Variants in ZBTB20 observed in about 807,000 individuals in gnomAD.
ZBTB20 encodes zinc finger and BTB domain-containing protein 20.
A neutral mutation model predicts 56.9 loss-of-function variants in ZBTB20; 9 were observed. That is an observed-to-expected ratio of 0.16 (90% confidence interval 0.10 to 0.28). The LOEUF (loss-of-function observed/expected upper bound fraction) is 0.28, where lower values mean the gene tolerates loss of function less well. Among genes scored for constraint, ZBTB20 ranks in the 10% least tolerant of loss-of-function variants. The pLI, the probability that ZBTB20 is intolerant of heterozygous loss-of-function variation, is 1.00. For synonymous variants in ZBTB20, 417 were observed against 420.7 expected, an observed-to-expected ratio of 0.99 and a Z score of 0.11; for missense variants, 655 against 1,003.0, an observed-to-expected ratio of 0.65 and a Z score of 4.69.
In ZBTB20 at chr3:114,809,083, C is replaced by CTT. The variant is rs11444286; in HGVS notation, c.-416-7911_-416-7910dup. Among the ~76,000 whole-genome samples the CTT allele has an allele frequency of 1.7e-4, 26 of 151,620 alleles. 1 individual carries two copies. Among genetic ancestry groups the CTT allele is most frequent in the Admixed American group, 1.1e-3 (17 of 15,232 alleles). The stretch of plus-strand genomic sequence containing the variant: ...GTGTTGTTTTCCTGTATGTAACAGT[C>CTT]TTTTTTTTCTTGTTACTGTCAAAAT... On this transcript the variant is annotated intron_variant, in intron 4 of 11. Coordinates refer to ENST00000675478, the MANE Select transcript of ZBTB20 (RefSeq NM_001348800.3).
chr3:114,432,265 C>T (rs1476378011), intron 7 of ZBTB20, among the ~76,000 whole-genome samples: 1 of 151,850 alleles, frequency 6.6e-6, no homozygotes, highest in East Asian at 1.9e-4. Flanking sequence ...GGCCAGGACA[C>T]CAAGAGTTCA....
intron 1 of ZBTB20, among the ~76,000 whole-genome samples, chr3:115,090,711 A>C (rs2083157763): frequency 1.3e-5 from 2 of 151,906 alleles, no homozygotes; most frequent in South Asian, 4.1e-4. Context: ...TTTACTATTT[A>C]TAAAAAAACT....
At chr3:114,487,075 C>T (rs186782439) in intron 7 of ZBTB20, among the ~76,000 whole-genome samples, 27 of 152,222 alleles carry the variant, frequency 1.8e-4, no homozygotes, top group African/African-American at 4.3e-4. Flanking sequence ...AAGTAGGATG[C>T]GTGTATGTGG....
intron 1 of ZBTB20, among the ~76,000 whole-genome samples, chr3:115,135,328 T>C (rs756751564): frequency 2.6e-5 from 4 of 152,086 alleles, no homozygotes; most frequent in Non-Finnish European, 5.9e-5. Context: ...AAGCCTGGGG[T>C]GGAGTGGGGT....
chr3:114,571,261 A>G (rs2053399715), intron 6 of ZBTB20, among the ~76,000 whole-genome samples: 1 of 152,166 alleles, frequency 6.6e-6, no homozygotes, highest in Admixed American at 6.5e-5. Flanking sequence ...TTGCACTTCA[A>G]TTGTGCTTAT....
At chr3:114,487,591 C>T (rs1275935615) in intron 7 of ZBTB20, among the ~76,000 whole-genome samples, 1 of 152,212 alleles carries the variant, frequency 6.6e-6, no homozygotes, top group Non-Finnish European at 1.5e-5. Flanking sequence ...CCAATTACCA[C>T]CCAGAACAGC....
At position 114,380,796 on chromosome 3, in the gene ZBTB20, AAG is replaced by A; in HGVS notation, c.-11_-10del. 6.6e-7 allele frequency: 1 copy of A among 1,509,888 alleles called. No homozygotes were observed. The highest frequency in any genetic ancestry group is 8.8e-7 in the Non-Finnish European group (1 of 1,137,644). The allele number at this position is 1,509,888 out of a possible 1,614,324, so 93.5% of individuals were successfully genotyped here. A position where few individuals can be genotyped will look rare whatever the true frequency, so the allele number is the denominator to read the frequency against. On this transcript the variant is annotated 5_prime_UTR_variant, in exon 9 of 12. Coordinates refer to ENST00000675478, the MANE Select transcript of ZBTB20 (RefSeq NM_001348800.3). ...TTTTACCGTTCTAGCATTTGTCAGG[AAG>A]CTTAGAGACAGGACTCGTGGAGTAA... is the stretch of plus-strand genomic sequence containing the variant.
chr3:114,506,954 G>T (rs1054448191), intron 6 of ZBTB20, among the ~76,000 whole-genome samples: 1 of 152,174 alleles, frequency 6.6e-6, no homozygotes, highest in African/African-American at 2.4e-5. Context: ...AGCATAGTGT[G>T]TGAAACACAG....
chr3:115,023,833 T>C (rs970320380), intron 2 of ZBTB20, among the ~76,000 whole-genome samples: 8 of 151,032 alleles, frequency 5.3e-5, no homozygotes. Context: ...AATCAGAATA[T>C]TATTAACCAG....
intron 6 of ZBTB20, among the ~76,000 whole-genome samples, chr3:114,583,409 A>T (rs898122594): frequency 2.6e-5 from 4 of 152,218 alleles, no homozygotes; most frequent in African/African-American, 9.6e-5. Flanking sequence ...ATAAACACAA[A>T]CATTGATTTT....
At chr3:114,897,271 A>T (rs2074922320) in intron 4 of ZBTB20, among the ~76,000 whole-genome samples, 1 of 152,146 alleles carries the variant, frequency 6.6e-6, no homozygotes. Flanking sequence ...ACTAGCCTGT[A>T]TCCTCTTGAG....
At position 114,805,671 on chromosome 3, in the gene ZBTB20, T is replaced by G. The variant is rs549116012; in HGVS notation, c.-416-4497A>C. The stretch of plus-strand genomic sequence containing the variant: ...TGTTATGTGTATAACTCAATGACAT[T>G]AAGTAAATTTAGAGTTGTATAACCA... On this transcript the variant is annotated intron_variant, in intron 4 of 11. Coordinates refer to ENST00000675478, the MANE Select transcript of ZBTB20 (RefSeq NM_001348800.3). 4.5e-4 allele frequency among the ~76,000 whole-genome samples: 69 copies of G among 151,984 alleles called. 1 individual carries two copies. The South Asian group carries it at 0.014, about 31-fold the overall frequency.
chr3:115,143,752 T>TA (rs929971821), intron 1 of ZBTB20, among the ~76,000 whole-genome samples: 12 of 152,312 alleles, frequency 7.9e-5, no homozygotes, highest in African/African-American at 2.9e-4. Flanking sequence ...CCCTATCTGT[T>TA]AAAATTACCA....
intron 5 of ZBTB20, among the ~76,000 whole-genome samples, chr3:114,721,580 T>C (rs1428587883): frequency 6.6e-6 from 1 of 152,144 alleles, no homozygotes; most frequent in Admixed American, 6.5e-5. Context: ...AGTAACTTTA[T>C]TGTTTCCATT....
chr3:114,471,760 T>G (rs1292064458), intron 7 of ZBTB20, among the ~76,000 whole-genome samples: 1 of 152,236 alleles, frequency 6.6e-6, no homozygotes, highest in East Asian at 1.9e-4. Flanking sequence ...ACATCTCGCT[T>G]CATGTGTCAT....
At chr3:114,772,005 A>G in intron 5 of ZBTB20, among the ~76,000 whole-genome samples, 1 of 152,184 alleles carries the variant, frequency 6.6e-6, no homozygotes, top group East Asian at 1.9e-4. Flanking sequence ...TCTCTTAGAT[A>G]CCAGTGAAAG....
intron 2 of ZBTB20, among the ~76,000 whole-genome samples, chr3:115,062,024 C>G (rs2082030106): frequency 6.6e-6 from 1 of 151,884 alleles, no homozygotes; most frequent in Non-Finnish European, 1.5e-5. Flanking sequence ...AAAGTACATT[C>G]TGATACTCAG....
Position 114,350,407 on chromosome 3 carries a change from T to C in ZBTB20, c.1671A>G (p.Pro557=), listed in dbSNP as rs2080566639. ...GGCCTGCGGATGAGGCCAGGGGCTG[T>C]GGCGCTGGCAGCTGTGCAGTAAAGG... is the stretch of plus-strand genomic sequence containing the variant. ...LSTFTAQLPA[P]QPLASSAGHS... is the part of the protein sequence containing the mutation. Residue 557 remains proline, a synonymous_variant, in exon 11 of 12, where the codon CCA becomes CCG. Coordinates refer to ENST00000675478, the MANE Select transcript of ZBTB20 (RefSeq NM_001348800.3). The C allele has an allele frequency of 6.2e-7, 1 of 1,613,998 alleles. No homozygotes were observed.
chr3:114,431,541 A>AT (rs1248916234), intron 7 of ZBTB20, among the ~76,000 whole-genome samples: 1 of 152,200 alleles, frequency 6.6e-6, no homozygotes, highest in Non-Finnish European at 1.5e-5. Context: ...ATTATTTTCT[A>AT]TTTATGACAT....
Sources: allele counts gnomAD v4.1 joint callset (sites outside exome capture counted in the v4.1 genomes callset), GRCh38; gene constraint gnomAD v4.1.1; transcripts MANE v1.5; gene names NCBI Gene and HGNC (gene_info 2026-07-23, HGNC 2026-07-21).